Variants in BEND6 observed in about 807,000 individuals in gnomAD.
BEND6 encodes BEN domain containing 6.
BEND6 carries 24 observed loss-of-function variants against 31.8 expected under a neutral mutation model. The ratio of observed to expected loss-of-function variants is 0.75; its 90% CI spans 0.55 to 1.06. The LOEUF is 1.06. BEND6 is among the 50% of genes least tolerant of loss of function. The probability of loss-of-function intolerance (pLI) is 0.00; values close to 1 mark genes in which losing one functional copy is unlikely to be tolerated. For synonymous variants in BEND6, 109 were observed against 114.6 expected (o/e 0.95, Z 0.31); for missense variants, 294 against 327.4 (o/e 0.90, Z 0.79).
chr6:57,008,704 A>T (rs1827248762), intron 3 of BEND6: 2 of 153,420 alleles, frequency 1.3e-5, no homozygotes, highest in Non-Finnish European at 2.9e-5. Context: ...TATCAAAACC[A>T]CAGTGAGGTA....
At chr6:56,988,958 G>A (rs570345782) in intron 2 of BEND6, among the ~76,000 whole-genome samples, 1 of 152,236 alleles carries the variant, frequency 6.6e-6, no homozygotes, top group East Asian at 1.9e-4. Flanking sequence ...TTGAACCAGG[G>A]AGGTGGAGGT....
chr6:57,008,870 T>G (rs1418115329), intron 3 of BEND6: 1 of 152,124 alleles, frequency 6.6e-6, no homozygotes, highest in African/African-American at 2.4e-5. Flanking sequence ...ATAGATAACA[T>G]AGGGAATCAA....
At chr6:56,991,213 TTG>T (rs1244564992) in intron 2 of BEND6, among the ~76,000 whole-genome samples, 1 of 152,214 alleles carries the variant, frequency 6.6e-6, no homozygotes, top group African/African-American at 2.4e-5. Context: ...TCAGTCAAGT[TTG>T]TTTTTTACTT....
intron 3 of BEND6, among the ~76,000 whole-genome samples, chr6:56,993,759 G>A (rs949527965): frequency 6.6e-5 from 10 of 152,166 alleles, no homozygotes; most frequent in Non-Finnish European, 1.5e-4. Flanking sequence ...GTGCAGTGGT[G>A]AGATCATAGC....
intron 1 of BEND6, among the ~76,000 whole-genome samples, chr6:56,960,153 T>A (rs1449119963): frequency 6.6e-6 from 1 of 152,188 alleles, no homozygotes; most frequent in Non-Finnish European, 1.5e-5. Context: ...AAATACTGAG[T>A]CATTTGGCCA....
intron 5 of BEND6, 68 bp from the exon 6 acceptor site, chr6:57,018,353 C>A: frequency 2.0e-6 from 3 of 1,481,180 alleles, no homozygotes; most frequent in Non-Finnish European, 1.8e-6. Flanking sequence ...GATGTTTTAC[C>A]TCAGTTCATA....
At chr6:56,955,767 A>C (rs1824791799) in intron 1 of BEND6, among the ~76,000 whole-genome samples, 1 of 152,222 alleles carries the variant, frequency 6.6e-6, no homozygotes, top group South Asian at 2.1e-4. Context: ...GGGACCTGGC[A>C]GATGAAGTAA....
chr6:57,010,978 A>C (rs1827323515), intron 3 of BEND6: 1 of 365,750 alleles, frequency 2.7e-6, no homozygotes, highest in Non-Finnish European at 3.8e-6. Context: ...AAGCTAATAC[A>C]TTCTGCTTAT....
At chr6:56,965,466 C>T (rs112457542) in intron 1 of BEND6, among the ~76,000 whole-genome samples, 204 of 151,942 alleles carry the variant, frequency 1.3e-3, no homozygotes, top group African/African-American at 4.6e-3. Context: ...AACACCAGGA[C>T]TTGTGTCAAA....
chr6:56,988,499 T>C (rs186561123), intron 2 of BEND6, among the ~76,000 whole-genome samples: 17 of 152,322 alleles, frequency 1.1e-4, no homozygotes, highest in Admixed American at 1.1e-3. Flanking sequence ...AAAATGATTA[T>C]TGAATGTTTA....
chr6:56,976,136 TTTA>T (rs1562539419), intron 1 of BEND6: 1 of 245,048 alleles, frequency 4.1e-6, no homozygotes, highest in African/African-American at 2.3e-5. Context: ...TAATTTATTT[TTTA>T]TTATCAGTGC....
chr6:57,004,024 A>G (rs1006704526), intron 3 of BEND6, among the ~76,000 whole-genome samples: 1 of 152,174 alleles, frequency 6.6e-6, no homozygotes, highest in African/African-American at 2.4e-5. Context: ...TCAAAGGAAC[A>G]CACCTAAAAA....
At chr6:56,971,937 A>G (rs1825702569) in intron 1 of BEND6, among the ~76,000 whole-genome samples, 1 of 152,014 alleles carries the variant, frequency 6.6e-6, no homozygotes, top group African/African-American at 2.4e-5. Context: ...GTGACTTTTG[A>G]TGCACAAAAC....
At chr6:57,004,104 C>T (rs548988559) in intron 3 of BEND6, among the ~76,000 whole-genome samples, 1 of 152,058 alleles carries the variant, frequency 6.6e-6, no homozygotes. Flanking sequence ...GCATTGCTCT[C>T]GAGAACTGGG....
chr6:56,966,103 T>C (rs559306966), intron 1 of BEND6, among the ~76,000 whole-genome samples: 2 of 152,056 alleles, frequency 1.3e-5, no homozygotes, highest in Non-Finnish European at 1.5e-5. Flanking sequence ...TTTTGTTTGT[T>C]TGTTTGTTTG....
At chr6:56,994,286 C>T (rs9382676) in intron 3 of BEND6, among the ~76,000 whole-genome samples, 108,180 of 151,004 alleles carry the variant, frequency 0.72, 39,520 homozygotes, top group South Asian at 0.89. Flanking sequence ...TGTGAAACCC[C>T]GTCTCTACTA....
In BEND6 at chr6:57,015,206, C is replaced by T; in HGVS notation, c.372C>T (p.Thr124=). 6.2e-7 allele frequency: 1 copy of T among 1,614,140 alleles called. No individual in the cohort carries two copies. Among genetic ancestry groups the T allele is most frequent in the South Asian group, 1.1e-5 (1 of 91,086 alleles). The change falls in exon 4 of 7, where the codon ACC becomes ACT. Residue 124 remains threonine (T), a synonymous_variant. Coordinates refer to ENST00000370746, the MANE Select transcript of BEND6 (RefSeq NM_152731.3). The part of the protein sequence containing the change: ...MAEALLKGGG[T]MSTSASTLWR... ...AGGCTCTGCTTAAGGGTGGGGGAAC[C>T]ATGTCTACATCTGCATCCACCCTCT...
At chr6:57,012,547 C>T (rs1827383384) in intron 3 of BEND6, among the ~76,000 whole-genome samples, 1 of 152,180 alleles carries the variant, frequency 6.6e-6, no homozygotes, top group Admixed American at 6.5e-5. Context: ...AATTTCTGCT[C>T]AGACTTCATG....
At chr6:56,963,683 TC>T (rs1488964234) in intron 1 of BEND6, among the ~76,000 whole-genome samples, 2 of 151,832 alleles carry the variant, frequency 1.3e-5, no homozygotes, top group African/African-American at 2.4e-5. Flanking sequence ...ATTGAAGCCC[TC>T]CCCTGTCCTC....
Sources: allele counts gnomAD v4.1 joint callset (sites outside exome capture counted in the v4.1 genomes callset), GRCh38; gene constraint gnomAD v4.1.1; transcripts MANE v1.5; gene names NCBI Gene and HGNC (gene_info 2026-07-23, HGNC 2026-07-21).